The following RGS9 variants were observed in gnomAD, a reference collection of about 807,000 sequenced individuals.
The protein encoded by RGS9 is regulator of G-protein signalling 9.
In RGS9, 78 loss-of-function variants were observed where a neutral mutation model predicts 102.0. The observed-to-expected ratio is 0.76, with a 90% CI of 0.64 to 0.92. The LOEUF is 0.92. Ranked by LOEUF, RGS9 falls within the 40% of genes least tolerant of loss-of-function variation. The pLI is 0.00. For synonymous variants in RGS9, 353 were observed against 318.6 expected, an observed-to-expected ratio of 1.11 and a Z score of -1.15; for missense variants, 833 against 866.1, an observed-to-expected ratio of 0.96 and a Z score of 0.48.
chr17:65,215,573 G>T (rs1913494613), intron 17 of RGS9, among the ~76,000 whole-genome samples: 2 of 120,082 alleles, frequency 1.7e-5, no homozygotes, highest in African/African-American at 8.2e-5. Context: ...CAGAGTCTCA[G>T]GCTGGAGTGC....
intron 17 of RGS9, among the ~76,000 whole-genome samples, chr17:65,217,352 A>G (rs1306456377): frequency 6.6e-6 from 1 of 152,082 alleles, no homozygotes; most frequent in Admixed American, 6.5e-5. Flanking sequence ...AAAAAACCAG[A>G]CCTTTATTAT....
In RGS9 at chr17:65,227,267, A is replaced by T; in HGVS notation, c.1893-8A>T. 2 of 1,614,068 alleles carry T rather than the reference A, an allele frequency of 1.2e-6. No individual in the cohort carries two copies. The highest frequency in any genetic ancestry group is 2.7e-5 in the African/African-American group (2 of 75,004). On this transcript the variant is annotated splice_polypyrimidine_tract_variant and splice_region_variant and intron_variant, in intron 18 of 18. Coordinates refer to ENST00000262406, the MANE Select transcript of RGS9 (RefSeq NM_003835.4). ...CCTACATTACTGGCTTTCCTCTTGC[A>T]CCTGAAGCTTTTTCCAGATCAAAAT...
intron 3 of RGS9, 77 bp downstream of exon 3, chr17:65,158,422 A>G: frequency 7.6e-7 from 1 of 1,321,102 alleles, no homozygotes; most frequent in Non-Finnish European, 1.1e-6. Flanking sequence ...ATAGAGACTT[A>G]GCCTGTGTTT....
chr17:65,213,597 G>A (rs938628747), intron 17 of RGS9, among the ~76,000 whole-genome samples: 35 of 152,148 alleles, frequency 2.3e-4, no homozygotes, highest in African/African-American at 6.0e-4. Context: ...TGTGGGCATC[G>A]CATGCATTGT....
chr17:65,198,412 C>A (rs1490353024), intron 13 of RGS9, among the ~76,000 whole-genome samples: 3 of 152,156 alleles, frequency 2.0e-5, no homozygotes, highest in Non-Finnish European at 4.4e-5. Context: ...CGTGCCACCA[C>A]ACCTGGCTAA....
chr17:65,193,254 C>CAAAAAAAAA (rs377349682), intron 11 of RGS9, among the ~76,000 whole-genome samples: 1 of 83,098 alleles, frequency 1.2e-5, no homozygotes. Flanking sequence ...TTGGCTGTCT[C>CAAAAAAAAA]AAAAAAAAAA....
At chr17:65,140,432 T>G (rs1326828029) in intron 1 of RGS9, among the ~76,000 whole-genome samples, 1 of 152,066 alleles carries the variant, frequency 6.6e-6, no homozygotes, top group Non-Finnish European at 1.5e-5. Context: ...GATTTTGAAG[T>G]GCAAGGGGAG....
chr17:65,198,771 G>C (rs1021186434), intron 13 of RGS9, among the ~76,000 whole-genome samples: 1 of 152,240 alleles, frequency 6.6e-6, no homozygotes, highest in Admixed American at 6.5e-5. Flanking sequence ...CTGTGGCACT[G>C]CTCCAGAAAC....
rs74709543 is a variant in RGS9 at position 65,198,214 on chromosome 17, C to G, written c.976+973C>G. Among the ~76,000 whole-genome samples, 786 of 151,468 alleles carry G rather than the reference C, an allele frequency of 5.2e-3. 6 individuals are homozygous for G. Among genetic ancestry groups the G allele is most frequent in the African/African-American group, 0.018 (752 of 41,298 alleles). Reference sequence around the variant, plus strand: ...GATTTTAGTGAAATGGGCAGGGCCACATTTTGTCCCATCTCTGAATGTCAC... The same window carrying G: ...GATTTTAGTGAAATGGGCAGGGCCAGATTTTGTCCCATCTCTGAATGTCAC... On this transcript the variant is annotated intron_variant, in intron 13 of 18. Coordinates refer to ENST00000262406, the MANE Select transcript of RGS9 (RefSeq NM_003835.4).
intron 8 of RGS9, among the ~76,000 whole-genome samples, chr17:65,171,964 G>A (rs908714813): frequency 2.0e-5 from 3 of 152,190 alleles, no homozygotes; most frequent in East Asian, 1.9e-4. Context: ...GCTTCCTGGC[G>A]GTGGGTGTGC....
At chr17:65,193,080 G>A (rs2144070942) in intron 11 of RGS9, among the ~76,000 whole-genome samples, 1 of 149,344 alleles carries the variant, frequency 6.7e-6, no homozygotes, top group East Asian at 1.9e-4. Context: ...GGGCAACTTG[G>A]CAAAACCCTA....
In RGS9 at chr17:65,225,487, G is replaced by T; in HGVS notation, c.1892+1G>T. On this transcript the variant is annotated splice_donor_variant, in intron 18 of 18. Transcript: ENST00000262406. LOFTEE classifies it high-confidence loss of function. ...GATTGAAATCCAAGAGAGTAGCAAA[G>T]TAAGAACCCGAAGGGGACGTGCCGT... 1 of 1,601,220 alleles carries T rather than the reference G, an allele frequency of 6.2e-7. No homozygotes were observed.
At chr17:65,138,188 A>G (rs541266415) in intron 1 of RGS9, among the ~76,000 whole-genome samples, 4 of 152,216 alleles carry the variant, frequency 2.6e-5, no homozygotes, top group Non-Finnish European at 5.9e-5. Context: ...GTGTGCACAC[A>G]GGATGGACAT....
intron 3 of RGS9, among the ~76,000 whole-genome samples, chr17:65,159,511 C>T (rs1482830964): frequency 1.3e-5 from 2 of 152,060 alleles, no homozygotes; most frequent in Non-Finnish European, 2.9e-5. Context: ...AGTCTTCCCA[C>T]ACCTTGGAGG....
In RGS9 at chr17:65,141,163, G is replaced by A. The variant is rs144282402; in HGVS notation, c.57+3566G>A. ...CTTCCCACCTCTGATGCCTGGGCTC[G>A]TTTCAGATGTGGTAGAAAGAGGCAG... On this transcript the variant is annotated intron_variant, in intron 1 of 18. Transcript: ENST00000262406. 3.3e-3 allele frequency among the ~76,000 whole-genome samples: 497 copies of A among 152,312 alleles called. 4 individuals carry two copies. The highest frequency in any genetic ancestry group is 6.1e-3 in the Non-Finnish European group (413 of 68,034).
intron 17 of RGS9, among the ~76,000 whole-genome samples, chr17:65,216,135 G>T (rs887736093): frequency 6.6e-6 from 1 of 152,196 alleles, no homozygotes; most frequent in African/African-American, 2.4e-5. Context: ...TTCCAGAAGG[G>T]ATTTGAGGCA....
chr17:65,210,259 C>T (rs1913239732), intron 16 of RGS9, among the ~76,000 whole-genome samples: 1 of 152,186 alleles, frequency 6.6e-6, no homozygotes, highest in African/African-American at 2.4e-5. Context: ...AAAGGGTCTT[C>T]CTTGTGCCTG....
rs2144015484 is a variant in RGS9, at chr17:65,168,345, C to T, written c.582+64C>T. The stretch of plus-strand genomic sequence containing the variant: ...GTGCCTCCCACCTCCATCCTGTGCT[C>T]TCCATACCTGTTGCCAACTCCTCTT... On this transcript the variant is annotated intron_variant, in intron 8 of 18. Coordinates refer to ENST00000262406, the MANE Select transcript of RGS9 (RefSeq NM_003835.4). 3 of 1,133,718 alleles carry T rather than the reference C, an allele frequency of 2.6e-6. No individual in the cohort carries two copies. The South Asian group carries it at 3.9e-5, about 15-fold the overall frequency. 70.2% of individuals were successfully genotyped at this position (1,133,718 alleles called of 1,614,324 possible).
At chr17:65,209,392 TTCAAGGGGCTTATGTAG>T (rs891471927) in intron 16 of RGS9, among the ~76,000 whole-genome samples, 9 of 152,064 alleles carry the variant, frequency 5.9e-5, no homozygotes, top group Admixed American at 2.0e-4. Context: ...GATATAAGAG[TTCAAGGGGCTTATGTAG>T]TCAAGGGGCT....
Sources: allele counts gnomAD v4.1 joint callset (sites outside exome capture counted in the v4.1 genomes callset), GRCh38; gene constraint gnomAD v4.1.1; transcripts MANE v1.5; gene names NCBI Gene and HGNC (gene_info 2026-07-23, HGNC 2026-07-21).